Variants in ZNF695 observed in about 807,000 individuals in gnomAD.
ZNF695 encodes the protein zinc finger protein SBZF3.
A neutral mutation model predicts 11.2 loss-of-function variants in ZNF695; 11 were observed. The observed-to-expected ratio is 0.98, with a 90% CI of 0.62 to 1.62. ZNF695 has a LOEUF of 1.62. Among genes scored for constraint, ZNF695 ranks in the 40% most tolerant of loss-of-function variants. The pLI, the probability that ZNF695 is intolerant of heterozygous loss-of-function variation, is 0.00. For synonymous variants in ZNF695, 190 were observed against 201.4 expected (o/e 0.94, Z 0.48); for missense variants, 559 against 590.5 (o/e 0.95, Z 0.55).
chr1:246,946,620 G>A (rs1394495882), intron 5 of ZNF695, among the ~76,000 whole-genome samples: 1 of 152,228 alleles, frequency 6.6e-6, no homozygotes, highest in African/African-American at 2.4e-5. Context: ...GAGAAAACTT[G>A]GTCATGCCAG....
chr1:246,969,962 A>G (rs1050881435), intron 4 of ZNF695, among the ~76,000 whole-genome samples: 1 of 152,182 alleles, frequency 6.6e-6, no homozygotes, highest in African/African-American at 2.4e-5. Flanking sequence ...GGGGATTACA[A>G]TTCAACATGA....
intron 5 of ZNF695, among the ~76,000 whole-genome samples, chr1:246,966,084 G>A (rs953961823): frequency 6.6e-6 from 1 of 152,022 alleles, no homozygotes; most frequent in African/African-American, 2.4e-5. Context: ...AAAATATTAA[G>A]AGAAAAGTTA....
chr1:246,994,856 A>G (rs1252566235), intron 3 of ZNF695, among the ~76,000 whole-genome samples: 1 of 151,992 alleles, frequency 6.6e-6, no homozygotes, highest in Non-Finnish European at 1.5e-5. Flanking sequence ...AACAAAAACA[A>G]AAAACAAACA....
downstream of ZNF695, among the ~76,000 whole-genome samples, chr1:246,984,573 TCTTCA>T (rs1417022385): frequency 2.0e-5 from 3 of 152,202 alleles, no homozygotes; most frequent in Non-Finnish European, 2.9e-5. Flanking sequence ...GCGTTATGTT[TCTTCA>T]CTTCATTTAT....
Position 246,987,826 on chromosome 1 carries a change from C to G in ZNF695, c.689G>C (p.Cys230Ser), listed in dbSNP as rs375148264. Residue 230 changes from cysteine to serine, a missense_variant, in exon 4 of 4, where the codon TGT becomes TCT. Transcript: ENST00000339986. ...AFNECSCFTD[C>S]KRIHVGEKHC... is the part of the protein sequence containing the mutation. ...TTTCTCTCCAACATGAATTCTCTTA[C>G]AGTCAGTAAAGCATGAGCACTCATT... is the stretch of plus-strand genomic sequence containing the variant. 2 of 1,611,676 alleles carry G rather than the reference C, an allele frequency of 1.2e-6. No homozygotes were observed. The highest frequency in any genetic ancestry group is 2.2e-5 in the South Asian group (2 of 90,454).
intron 4 of ZNF695, chr1:246,969,573 C>G (rs1668374595): frequency 6.6e-6 from 1 of 152,270 alleles, no homozygotes. Flanking sequence ...AAAGTCACTT[C>G]CACATTTTCA....
intron 1 of ZNF695, among the ~76,000 whole-genome samples, chr1:247,007,454 C>G (rs1669571982): frequency 6.8e-6 from 1 of 146,136 alleles, no homozygotes; most frequent in South Asian, 2.1e-4. Flanking sequence ...CGAGATCGAG[C>G]CACCGAACTC....
chr1:246,951,401 G>A (rs1001530593), intron 5 of ZNF695, among the ~76,000 whole-genome samples: 1 of 152,214 alleles, frequency 6.6e-6, no homozygotes, highest in Non-Finnish European at 1.5e-5. Flanking sequence ...GGAGGTTGGA[G>A]TGATGTTGCC....
intron 2 of ZNF695, 32 bp from the exon 3 acceptor site, chr1:246,999,472 T>C: frequency 6.4e-7 from 1 of 1,554,898 alleles, no homozygotes; most frequent in Non-Finnish European, 8.9e-7. Flanking sequence ...GCATGATTCT[T>C]GCAGGGATTC....
intron 5 of ZNF695, among the ~76,000 whole-genome samples, chr1:246,957,542 C>G (rs188028442): frequency 6.6e-6 from 1 of 152,080 alleles, no homozygotes; most frequent in African/African-American, 2.4e-5. Flanking sequence ...AAATTTTCCA[C>G]GTGAGCAGAT....
intron 3 of ZNF695, among the ~76,000 whole-genome samples, chr1:246,999,017 T>C (rs1006993869): frequency 7.6e-6 from 1 of 130,870 alleles, no homozygotes; most frequent in Admixed American, 7.8e-5. Flanking sequence ...TATATATATA[T>C]GAGCATAGAG....
chr1:246,999,598 T>G (rs1352423590), intron 2 of ZNF695, among the ~76,000 whole-genome samples, 158 bp from the exon 3 acceptor site: 1 of 152,210 alleles, frequency 6.6e-6, no homozygotes, highest in Non-Finnish European at 1.5e-5. Flanking sequence ...AGGAAGTATT[T>G]TAAATTTGTG....
At chr1:246,959,165 G>A (rs1200734718) in intron 5 of ZNF695, among the ~76,000 whole-genome samples, 1 of 148,300 alleles carries the variant, frequency 6.7e-6, no homozygotes, top group Non-Finnish European at 1.5e-5. Flanking sequence ...TGTAGTCCCA[G>A]CTACTTGGGA....
intron 5 of ZNF695, among the ~76,000 whole-genome samples, chr1:246,957,394 A>AAT (rs1668028011): frequency 6.6e-6 from 1 of 152,010 alleles, no homozygotes. Context: ...AAAAAAAAAA[A>AAT]AAGAATTGGG....
chr1:246,995,737 C>T (rs1259807775), intron 3 of ZNF695, among the ~76,000 whole-genome samples: 2 of 149,344 alleles, frequency 1.3e-5, no homozygotes, highest in East Asian at 3.9e-4. Flanking sequence ...ATGACCTGAA[C>T]CCGGGACGCA....
At chr1:246,954,008 G>A (rs1238485229) in intron 5 of ZNF695, among the ~76,000 whole-genome samples, 1 of 127,986 alleles carries the variant, frequency 7.8e-6, no homozygotes, top group South Asian at 2.5e-4. Context: ...TAAGTGTAGA[G>A]CTTGGGACTC....
At chr1:246,964,961 G>A (rs1250110557) in intron 5 of ZNF695, among the ~76,000 whole-genome samples, 1 of 152,198 alleles carries the variant, frequency 6.6e-6, no homozygotes, top group Non-Finnish European at 1.5e-5. Context: ...ACTTTATGGG[G>A]TGATTGGGTC....
chr1:246,973,411 A>T (rs1179144994), intron 4 of ZNF695, among the ~76,000 whole-genome samples: 2 of 152,230 alleles, frequency 1.3e-5, no homozygotes, highest in African/African-American at 4.8e-5. Flanking sequence ...GTTCCAACAA[A>T]TAAGGAGGCT....
Position 247,000,532 on chromosome 1 carries a change from T to A in ZNF695, c.4-458A>T, listed in dbSNP as rs533748565. Among the ~76,000 whole-genome samples, 189 of 151,794 alleles carry A rather than the reference T, an allele frequency of 1.2e-3. 1 individual carries two copies. Among genetic ancestry groups the A allele is most frequent in the African/African-American group, 2.2e-3 (89 of 41,394 alleles). ...AATAAACAAACAAATAAATAAAAAA[T>A]ATATATATATACACACACTCTAATG... is the stretch of plus-strand genomic sequence containing the variant. On this transcript the variant is annotated intron_variant, in intron 1 of 3. Coordinates refer to ENST00000339986, the MANE Select transcript of ZNF695 (RefSeq NM_020394.5).
Sources: gnomAD v4.1 joint callset for allele counts (sites outside exome capture counted in the v4.1 genomes callset) on GRCh38, gnomAD v4.1.1 for gene constraint, MANE v1.5 for transcripts, NCBI Gene and HGNC (gene_info 2026-07-23, HGNC 2026-07-21) for gene names.